ALG5: variants seen among roughly 807,000 people sequenced by gnomAD.
The protein encoded by ALG5 is ALG5 dolichyl-phosphate beta-glucosyltransferase.
ALG5 carries 26 observed loss-of-function variants against 51.8 expected under a neutral mutation model. That is an observed-to-expected ratio of 0.50 (90% CI 0.37 to 0.70). The LOEUF is 0.70. Ranked by LOEUF, ALG5 falls within the 30% of genes least tolerant of loss-of-function variation. The pLI is 0.00. For missense variants in ALG5, 311 were observed against 399.3 expected (o/e 0.78, Z 1.88); for synonymous variants, 141 against 136.1 (o/e 1.04, Z -0.25).
At chr13:36,973,318 C>T (rs1003195791) in intron 6 of ALG5, among the ~76,000 whole-genome samples, 3 of 151,934 alleles carry the variant, frequency 2.0e-5, no homozygotes, top group African/African-American at 7.3e-5. Context: ...ATGAAAAGGC[C>T]AGGAAACACA....
intron 4 of ALG5, among the ~76,000 whole-genome samples, chr13:36,993,225 G>A (rs529186401): frequency 6.6e-6 from 1 of 152,328 alleles, no homozygotes; most frequent in African/African-American, 2.4e-5. Context: ...GGACACACCT[G>A]CTTCCCAGGG....
rs1271475922 is a variant in ALG5, at chr13:36,955,728, C to T, written c.774-3129G>A. 3.7e-5 allele frequency among the ~76,000 whole-genome samples: 5 copies of T among 135,648 alleles called. No homozygotes were observed. The East Asian group carries it at 9.4e-4, about 26-fold the overall frequency. The allele number at this position is 135,648 out of a possible 152,430, so 89.0% of individuals were successfully genotyped here. On this transcript the variant is annotated intron_variant, in intron 8 of 9. Coordinates refer to ENST00000239891, the MANE Select transcript of ALG5 (RefSeq NM_013338.5). Reference sequence around the variant, plus strand: ...AAAAAAAAAAGATTAAGAAACATTTCTCAGAACTAAAGGACATGACTTTTC... The same window carrying T: ...AAAAAAAAAAGATTAAGAAACATTTTTCAGAACTAAAGGACATGACTTTTC...
chr13:36,954,858 C>G (rs2058833004), intron 8 of ALG5, among the ~76,000 whole-genome samples: 2 of 152,150 alleles, frequency 1.3e-5, no homozygotes, highest in Non-Finnish European at 2.9e-5. Context: ...ACTGCTGCCT[C>G]CTGCAGCCCT....
chr13:36,961,465 T>C (rs1003187899), intron 8 of ALG5, among the ~76,000 whole-genome samples: 4 of 152,120 alleles, frequency 2.6e-5, no homozygotes, highest in African/African-American at 9.7e-5. Flanking sequence ...GTATGAGGTA[T>C]AAGTAACCTA....
At chr13:36,977,363 A>G (rs116016894) in intron 6 of ALG5, among the ~76,000 whole-genome samples, 2,924 of 152,262 alleles carry the variant, frequency 0.019, 94 homozygotes, top group African/African-American at 0.066. Flanking sequence ...TTGGCTTTTA[A>G]TAAGTGAGGC....
At chr13:36,972,674 G>A (rs2058929808) in intron 6 of ALG5, among the ~76,000 whole-genome samples, 1 of 152,144 alleles carries the variant, frequency 6.6e-6, no homozygotes, top group African/African-American at 2.4e-5. Context: ...TGATATATGA[G>A]AGGATATAGT....
chr13:36,981,982 T>TG (rs1360520958), intron 6 of ALG5, among the ~76,000 whole-genome samples: 1 of 152,040 alleles, frequency 6.6e-6, no homozygotes, highest in Admixed American at 6.6e-5. Context: ...TCCCAGCTAC[T>TG]GGGGAGGCTG....
intron 1 of ALG5, 85 bp downstream of exon 1, chr13:36,999,150 C>A: frequency 1.6e-6 from 2 of 1,273,648 alleles, no homozygotes; most frequent in Non-Finnish European, 2.1e-6. Flanking sequence ...GAACTGGTAG[C>A]GCGGAGGAGG....
At chr13:36,959,608 G>A (rs1206937776) in intron 8 of ALG5, among the ~76,000 whole-genome samples, 1 of 152,070 alleles carries the variant, frequency 6.6e-6, no homozygotes. Context: ...AACAACATGC[G>A]AAGAGTCAAG....
At chr13:36,987,525 T>C (rs1400121575) in intron 5 of ALG5, among the ~76,000 whole-genome samples, 1 of 152,148 alleles carries the variant, frequency 6.6e-6, no homozygotes, top group Non-Finnish European at 1.5e-5. Context: ...GCTAACTTGC[T>C]CCTGTTCTCG....
chr13:36,957,699 G>A lies in ALG5; in HGVS notation c.774-5100C>T, dbSNP rs565929743. On this transcript the variant is annotated intron_variant, in intron 8 of 9. Transcript: ENST00000239891. ...CGGGACTTAGCCCATATGAAATGCT[G>A]TATAGACAGCCACTCCTAACCAATG... Among the ~76,000 whole-genome samples, 14 of 152,252 alleles carry A rather than the reference G, an allele frequency of 9.2e-5. No individual in the cohort carries two copies. In the East Asian group the frequency reaches 2.5e-3, roughly 27 times the overall value.
intron 6 of ALG5, among the ~76,000 whole-genome samples, chr13:36,978,609 T>C (rs1230090874): frequency 6.6e-6 from 1 of 151,342 alleles, no homozygotes; most frequent in African/African-American, 2.4e-5. Flanking sequence ...TGAAAAAATA[T>C]CAAGCACAAA....
intron 6 of ALG5, among the ~76,000 whole-genome samples, chr13:36,979,523 T>C (rs915066641): frequency 2.0e-5 from 3 of 152,156 alleles, no homozygotes; most frequent in African/African-American, 7.2e-5. Context: ...ATATGAATCA[T>C]TGGTATACAA....
At chr13:36,952,245 A>T (rs2058821682) in intron 9 of ALG5, among the ~76,000 whole-genome samples, 1 of 152,206 alleles carries the variant, frequency 6.6e-6, no homozygotes, top group Admixed American at 6.5e-5. Flanking sequence ...GATCACCATG[A>T]CTTTGTCTAT....
intron 4 of ALG5, among the ~76,000 whole-genome samples, chr13:36,990,080 T>C (rs1421611118): frequency 6.6e-6 from 1 of 152,218 alleles, no homozygotes; most frequent in Non-Finnish European, 1.5e-5. Context: ...GTAAATTCTC[T>C]TCTAAATCTT....
intron 2 of ALG5, 90 bp downstream of exon 2, chr13:36,995,335 T>A (rs1403158906): frequency 1.5e-6 from 2 of 1,340,984 alleles, no homozygotes; most frequent in African/African-American, 3.0e-5. Context: ...CATCTATTAA[T>A]GTTTTGGCAA....
intron 5 of ALG5, among the ~76,000 whole-genome samples, chr13:36,989,169 ATACAAAAAACATTTTTTAAAC>A (rs906983242): frequency 6.6e-6 from 1 of 152,212 alleles, no homozygotes; most frequent in Non-Finnish European, 1.5e-5. Flanking sequence ...GTAAAACTTA[ATACAAAAAACATTTTTTAAAC>A]TGCAAAAAAC....
intron 6 of ALG5, among the ~76,000 whole-genome samples, chr13:36,976,425 C>CAAAAAAAA (rs57192095): frequency 3.3e-4 from 12 of 36,592 alleles, no homozygotes; most frequent in Non-Finnish European, 7.3e-4. Flanking sequence ...GACTCTGTCT[C>CAAAAAAAA]AAAAAAAAAA....
chr13:36,967,432 G>A (rs1254438651), intron 7 of ALG5, among the ~76,000 whole-genome samples: 10 of 152,170 alleles, frequency 6.6e-5, no homozygotes, highest in South Asian at 4.1e-4. Context: ...AGAATATAGC[G>A]AAGTGTTTGG....
Sources: gnomAD v4.1 joint callset for allele counts (sites outside exome capture counted in the v4.1 genomes callset) on GRCh38, gnomAD v4.1.1 for gene constraint, MANE v1.5 for transcripts, NCBI Gene and HGNC (gene_info 2026-07-23, HGNC 2026-07-21) for gene names.